DMD: variants seen among roughly 807,000 people sequenced by gnomAD.
DMD encodes dystrophin.
In DMD, 63 loss-of-function variants were observed where a neutral mutation model predicts 330.1. The observed-to-expected ratio is 0.19, with a 90% CI of 0.16 to 0.24. DMD has a LOEUF of 0.24. DMD is among the 10% of genes least tolerant of loss of function. DMD has a pLI of 1.00. For synonymous variants in DMD, 1,223 were observed against 959.8 expected, an observed-to-expected ratio of 1.27 and a Z score of -5.07; for missense variants, 3,344 against 2,684.1, an observed-to-expected ratio of 1.25 and a Z score of -5.43.
intron 1 of DMD, among the ~76,000 whole-genome samples, chrX:33,150,278 T>C (rs2048215211): frequency 1.1e-5 from 1 of 93,439 alleles, no homozygotes; most frequent in Admixed American, 1.4e-4. Flanking sequence ...ACTTTCTTCC[T>C]TATAAAAGTC....
At chrX:32,727,740 T>C (rs1236918029) in intron 7 of DMD, among the ~76,000 whole-genome samples, 1 of 110,614 alleles carries the variant, frequency 9.0e-6, no homozygotes, top group Non-Finnish European at 1.9e-5. Context: ...TACACACATA[T>C]ACATGTATAT....
chrX:32,265,622 C>A (rs7058125), intron 43 of DMD, among the ~76,000 whole-genome samples: 25,478 of 111,692 alleles, frequency 0.23, 2,217 homozygotes, highest in Middle Eastern at 0.28. Flanking sequence ...TACCCTGCAA[C>A]GCCAAAGGAG....
rs886042495 is a variant in DMD at position 31,169,519 on chromosome X, G to T, written c.10477C>A (p.Gln3493Lys). Residue 3493 changes from glutamine (Q) to lysine (K), a missense_variant, in exon 74 of 79, where the codon CAG becomes AAG. Coordinates refer to ENST00000357033, the MANE Select transcript of DMD (RefSeq NM_004006.3). ...SPLSQPRSPA[Q>K]ILISLESEER... is the part of the protein sequence containing the mutation. ...TCACTCTCTAAGGAAATCAAGATCTGGGCAGGACTACGAGGCTGGCTCAGG... is the reference window on the plus strand; with the variant it reads ...TCACTCTCTAAGGAAATCAAGATCTTGGCAGGACTACGAGGCTGGCTCAGG... 1 of 1,201,772 alleles carries T rather than the reference G, an allele frequency of 8.3e-7. No homozygotes were observed. The highest frequency in any genetic ancestry group is 1.8e-5 in the South Asian group (1 of 56,319).
At chrX:32,565,089 T>A (rs1205475938) in intron 16 of DMD, among the ~76,000 whole-genome samples, 1 of 111,579 alleles carries the variant, frequency 9.0e-6, no homozygotes, top group Non-Finnish European at 1.9e-5. Context: ...CTTTAAAAAT[T>A]ATTATAATAA....
At chrX:32,829,079 G>A (rs1041486942) in intron 4 of DMD, among the ~76,000 whole-genome samples, 1 of 111,276 alleles carries the variant, frequency 9.0e-6, no homozygotes, top group East Asian at 2.8e-4. Flanking sequence ...ACAAAATTTT[G>A]TATTTCATTC....
chrX:31,987,366 A>G (rs2095517047), intron 44 of DMD, among the ~76,000 whole-genome samples: 1 of 111,529 alleles, frequency 9.0e-6, no homozygotes, highest in South Asian at 3.8e-4. Flanking sequence ...TAGTCTCCAT[A>G]CTATGCAACA....
At chrX:31,916,602 C>A (rs1158826474) in intron 47 of DMD, among the ~76,000 whole-genome samples, 1 of 111,446 alleles carries the variant, frequency 9.0e-6, no homozygotes, top group Non-Finnish European at 1.9e-5. Flanking sequence ...TATTTTTTGG[C>A]CACTTACTCT....
At chrX:31,573,116 T>C (rs1448753470) in intron 55 of DMD, among the ~76,000 whole-genome samples, 1 of 111,652 alleles carries the variant, frequency 9.0e-6, no homozygotes, top group Non-Finnish European at 1.9e-5. Flanking sequence ...AAATTTGTGA[T>C]AATTTAAATT....
intron 17 of DMD, among the ~76,000 whole-genome samples, chrX:32,522,516 G>A (rs1406238447): frequency 1.8e-5 from 2 of 111,646 alleles, no homozygotes; most frequent in Non-Finnish European, 3.8e-5. Context: ...TTCTCTTCTA[G>A]CTACTTTGAA....
intron 43 of DMD, among the ~76,000 whole-genome samples, chrX:32,284,979 G>T (rs955490505): frequency 2.7e-5 from 3 of 111,882 alleles, no homozygotes; most frequent in African/African-American, 9.7e-5. Flanking sequence ...CTGTGGAATG[G>T]CGTTAGTGTT....
chrX:32,860,639 C>A (rs1046877594), intron 2 of DMD, among the ~76,000 whole-genome samples: 2 of 110,419 alleles, frequency 1.8e-5, no homozygotes, highest in African/African-American at 6.6e-5. Context: ...AAGCAGTATT[C>A]TGTTGCGGAA....
chrX:32,419,485 G>A (rs994079813), intron 29 of DMD, among the ~76,000 whole-genome samples: 2 of 112,182 alleles, frequency 1.8e-5, no homozygotes, highest in Non-Finnish European at 3.8e-5. Flanking sequence ...TGGCATATTT[G>A]TTAATGTATT....
chrX:32,833,120 A>T (rs984478033), intron 4 of DMD, among the ~76,000 whole-genome samples: 1 of 111,777 alleles, frequency 8.9e-6, no homozygotes, highest in Non-Finnish European at 1.9e-5. Flanking sequence ...GAATAAATTT[A>T]AAAAATAGAC....
At chrX:32,620,802 T>C (rs1432127418) in intron 11 of DMD, among the ~76,000 whole-genome samples, 1 of 111,886 alleles carries the variant, frequency 8.9e-6, no homozygotes, top group Admixed American at 9.5e-5. Context: ...AATTAGAATA[T>C]AAGAAATCCA....
At chrX:32,277,145 A>G (rs747779212) in intron 43 of DMD, among the ~76,000 whole-genome samples, 1 of 111,684 alleles carries the variant, frequency 9.0e-6, no homozygotes, top group East Asian at 2.8e-4. Flanking sequence ...CTCTACTTAT[A>G]TCAGACCAAA....
intron 44 of DMD, among the ~76,000 whole-genome samples, chrX:32,111,762 G>A (rs1023782031): frequency 2.7e-5 from 3 of 110,997 alleles, no homozygotes; most frequent in East Asian, 5.7e-4. Flanking sequence ...AGCTCTGACC[G>A]AATCATAATA....
chrX:31,186,479 AAC>A (rs2041789030), intron 67 of DMD, among the ~76,000 whole-genome samples: 1 of 111,634 alleles, frequency 9.0e-6, no homozygotes, highest in African/African-American at 3.3e-5. Context: ...AGAGGGGAAA[AAC>A]ACACACTGTG....
intron 52 of DMD, among the ~76,000 whole-genome samples, chrX:31,720,688 G>A (rs1279539760): frequency 9.0e-6 from 1 of 110,956 alleles, no homozygotes; most frequent in East Asian, 2.8e-4. Context: ...TAATTTTCAA[G>A]GTGGATGAAT....
intron 44 of DMD, among the ~76,000 whole-genome samples, chrX:32,086,220 G>A (rs1603624535): frequency 8.9e-6 from 1 of 112,021 alleles, no homozygotes; most frequent in Non-Finnish European, 1.9e-5. Context: ...TTTCTTTCTT[G>A]AAGTGGATGC....
Sources: gnomAD v4.1 joint callset for allele counts (sites outside exome capture counted in the v4.1 genomes callset) on GRCh38, gnomAD v4.1.1 for gene constraint, MANE v1.5 for transcripts, NCBI Gene and HGNC (gene_info 2026-07-23, HGNC 2026-07-21) for gene names.